The following HS3ST4 variants were observed in gnomAD, a reference collection of about 807,000 sequenced individuals.
HS3ST4 encodes heparan sulfate glucosamine 3-O-sulfotransferase 4.
HS3ST4 carries 17 observed loss-of-function variants against 29.2 expected under a neutral mutation model. The ratio of observed to expected loss-of-function variants is 0.58; its 90% CI spans 0.40 to 0.87. HS3ST4 has a LOEUF of 0.87. HS3ST4 is among the 40% of genes least tolerant of loss of function. HS3ST4 has a pLI of 0.00. For synonymous variants in HS3ST4, 314 were observed against 285.7 expected (o/e 1.10, Z -1.00); for missense variants, 627 against 634.5 (o/e 0.99, Z 0.13).
chr16:26,088,263 T>C (rs565766179), intron 1 of HS3ST4, among the ~76,000 whole-genome samples: 2 of 152,350 alleles, frequency 1.3e-5, no homozygotes, highest in Admixed American at 6.5e-5. Context: ...AAACTGTTCT[T>C]TGTGGAAGTC....
chr16:25,726,455 T>TAC (rs143234850), intron 1 of HS3ST4, among the ~76,000 whole-genome samples: 72 of 151,484 alleles, frequency 4.8e-4, no homozygotes, highest in African/African-American at 1.6e-3. Context: ...CACACACACA[T>TAC]ACACACACAC....
rs1331124474 is a variant in HS3ST4, at chr16:26,120,426, A to C, written c.735-15186A>C. On this transcript the variant is annotated intron_variant, in intron 1 of 1. Coordinates refer to ENST00000331351, the MANE Select transcript of HS3ST4 (RefSeq NM_006040.3). ...TGTCTGAAGGAAACAGTTCAAGGAC[A>C]AGATAGAAGGCTCCAGCCTTGGCAC... 4.5e-4 allele frequency among the ~76,000 whole-genome samples: 69 copies of C among 152,236 alleles called. 1 individual carries two copies. The highest frequency in any genetic ancestry group is 2.9e-5 in the Non-Finnish European group (2 of 68,046).
chr16:26,126,639 G>A (rs528251741), intron 1 of HS3ST4, among the ~76,000 whole-genome samples: 15 of 152,294 alleles, frequency 9.8e-5, no homozygotes, highest in South Asian at 8.3e-4. Context: ...AGTTAAACTC[G>A]TGGCTCTCAA....
At chr16:25,932,607 G>T (rs1175604083) in intron 1 of HS3ST4, among the ~76,000 whole-genome samples, 1 of 152,102 alleles carries the variant, frequency 6.6e-6, no homozygotes, top group African/African-American at 2.4e-5. Flanking sequence ...ATACTCTGAT[G>T]GACAACAAAA....
intron 1 of HS3ST4, among the ~76,000 whole-genome samples, chr16:25,913,809 G>A (rs1968263382): frequency 6.6e-6 from 1 of 150,400 alleles, no homozygotes; most frequent in Non-Finnish European, 1.5e-5. Context: ...TATATGTGTG[G>A]GGTGTGTGTG....
chr16:25,923,180 G>C (rs1968370972), intron 1 of HS3ST4, among the ~76,000 whole-genome samples: 1 of 152,226 alleles, frequency 6.6e-6, no homozygotes, highest in African/African-American at 2.4e-5. Flanking sequence ...ATTCTAGGAT[G>C]ACTGTTCAAA....
At chr16:25,700,095 G>A (rs1966324969) in intron 1 of HS3ST4, among the ~76,000 whole-genome samples, 1 of 152,174 alleles carries the variant, frequency 6.6e-6, no homozygotes, top group Admixed American at 6.5e-5. Flanking sequence ...AGGTCTGAAT[G>A]AGGGATTTTA....
intron 1 of HS3ST4, among the ~76,000 whole-genome samples, chr16:25,856,499 A>T (rs1967575220): frequency 6.6e-6 from 1 of 152,282 alleles, no homozygotes; most frequent in Non-Finnish European, 1.5e-5. Context: ...TGACATATTA[A>T]TGTGCCAGGA....
intron 1 of HS3ST4, among the ~76,000 whole-genome samples, chr16:25,748,128 T>C (rs1199225009): frequency 6.6e-6 from 1 of 152,160 alleles, no homozygotes; most frequent in East Asian, 1.9e-4. Flanking sequence ...GAGGTCCATC[T>C]CGATGTCTGC....
chr16:25,990,173 G>A (rs191857470), intron 1 of HS3ST4, among the ~76,000 whole-genome samples: 8 of 152,228 alleles, frequency 5.3e-5, no homozygotes, highest in African/African-American at 1.9e-4. Context: ...GGACATCCTC[G>A]TTGCTTCCAA....
chr16:26,040,722 A>C (rs764094934), intron 1 of HS3ST4, among the ~76,000 whole-genome samples: 1 of 152,048 alleles, frequency 6.6e-6, no homozygotes, highest in African/African-American at 2.4e-5. Context: ...TGCTTAATGA[A>C]TGTTTATTCA....
intron 1 of HS3ST4, among the ~76,000 whole-genome samples, chr16:25,767,371 G>A (rs901297930): frequency 3.3e-5 from 5 of 152,202 alleles, no homozygotes; most frequent in African/African-American, 1.2e-4. Context: ...TGTCAAATTA[G>A]TGAAGGGGGC....
intron 1 of HS3ST4, among the ~76,000 whole-genome samples, chr16:25,925,549 G>T (rs1323299902): frequency 2.0e-5 from 3 of 152,164 alleles, no homozygotes; most frequent in East Asian, 3.9e-4. Flanking sequence ...GGATTAAGCA[G>T]AGAAACCTCT....
rs548796717 is a variant in HS3ST4, at chr16:25,878,516, C to A, written c.734+185365C>A. On this transcript the variant is annotated intron_variant, in intron 1 of 1. Transcript: ENST00000331351. ...CTCTAGAATTCTACTTCAACTAACA[C>A]AACCAAAAATGGTCCAGCTGTCTTT... Among the ~76,000 whole-genome samples the A allele has an allele frequency of 2.0e-5, 3 of 152,270 alleles. No individual in the cohort carries two copies. The South Asian group carries it at 6.2e-4, about 32-fold the overall frequency.
chr16:25,870,177 C>T (rs2141658884), intron 1 of HS3ST4, among the ~76,000 whole-genome samples: 1 of 152,184 alleles, frequency 6.6e-6, no homozygotes, highest in South Asian at 2.1e-4. Flanking sequence ...CCCATCCATC[C>T]ATCCACCCAT....
intron 1 of HS3ST4, among the ~76,000 whole-genome samples, chr16:25,729,650 TGTC>T (rs2141593002): frequency 6.6e-6 from 1 of 152,372 alleles, no homozygotes; most frequent in South Asian, 2.1e-4. Flanking sequence ...CCCTTCTTGT[TGTC>T]ATGGGGACTT....
intron 1 of HS3ST4, among the ~76,000 whole-genome samples, chr16:26,107,856 G>A (rs62036776): frequency 0.19 from 28,709 of 152,156 alleles, 3,431 homozygotes; most frequent in South Asian, 0.28. Context: ...ATAAACATAC[G>A]TGTGCAGGTA....
chr16:26,015,051 T>C, intron 1 of HS3ST4, among the ~76,000 whole-genome samples: 1 of 152,220 alleles, frequency 6.6e-6, no homozygotes. Flanking sequence ...ATAGTAAAAA[T>C]GGATGACCTT....
At chr16:25,985,028 A>G (rs1363873688) in intron 1 of HS3ST4, among the ~76,000 whole-genome samples, 1 of 152,226 alleles carries the variant, frequency 6.6e-6, no homozygotes, top group Non-Finnish European at 1.5e-5. Flanking sequence ...GAAGTAGAAC[A>G]TAGTTATCGA....
Sources: allele counts gnomAD v4.1 joint callset (sites outside exome capture counted in the v4.1 genomes callset), GRCh38; gene constraint gnomAD v4.1.1; transcripts MANE v1.5; gene names NCBI Gene and HGNC (gene_info 2026-07-23, HGNC 2026-07-21).